EXTL3: variants seen among roughly 807,000 people sequenced by gnomAD.
The protein encoded by EXTL3 is exostosin-like 3.
Under a neutral mutation model 69.3 loss-of-function variants are expected in EXTL3, and 27 were observed. That is an observed-to-expected ratio of 0.39 (90% confidence interval 0.29 to 0.54). EXTL3 has a LOEUF of 0.54. Ranked by LOEUF, EXTL3 falls within the 20% of genes least tolerant of loss-of-function variation. EXTL3 has a pLI of 0.69. For missense variants in EXTL3, 1,003 were observed against 1,231.8 expected, an observed-to-expected ratio of 0.81 and a Z score of 2.78; for synonymous variants, 511 against 499.4, an observed-to-expected ratio of 1.02 and a Z score of -0.31.
Position 28,750,561 on chromosome 8 carries a change from T to G in EXTL3, c.2551-96T>G. On this transcript the variant is annotated intron_variant, in intron 6 of 6. Coordinates refer to ENST00000220562, the MANE Select transcript of EXTL3 (RefSeq NM_001440.4). This position sits in a 1 kb window ranked among gnomAD's most constrained non-coding sequence, Gnocchi z 5.2. ...TGTTGCCCCTGAGGGGATCAGCGTCTTCACCATGGACATGGGAGTGTGGGA... is the reference window on the plus strand; with the variant it reads ...TGTTGCCCCTGAGGGGATCAGCGTCGTCACCATGGACATGGGAGTGTGGGA... 2 of 1,047,268 alleles carry G rather than the reference T, an allele frequency of 1.9e-6. No individual in the cohort carries two copies. The highest frequency in any genetic ancestry group is 2.9e-6 in the Non-Finnish European group (2 of 678,466). 64.9% of individuals were successfully genotyped at this position (1,047,268 alleles called of 1,614,324 possible).
chr8:28,663,596 T>C (rs1186340059), intron 1 of EXTL3, among the ~76,000 whole-genome samples: 1 of 152,030 alleles, frequency 6.6e-6, no homozygotes, highest in African/African-American at 2.4e-5. Context: ...GAATTACAGG[T>C]GCACACCACC....
At chr8:28,630,688 G>A (rs1035346319) in intron 1 of EXTL3, among the ~76,000 whole-genome samples, 9 of 152,238 alleles carry the variant, frequency 5.9e-5, no homozygotes, top group East Asian at 3.8e-4. Flanking sequence ...TGAGTGCCAC[G>A]TTAGTGGCAA....
chr8:28,673,899 C>T (rs1807339071), intron 1 of EXTL3, among the ~76,000 whole-genome samples: 1 of 152,136 alleles, frequency 6.6e-6, no homozygotes, highest in African/African-American at 2.4e-5. Flanking sequence ...CTAGAATTGG[C>T]TCTCTAATCT....
chr8:28,651,896 T>C (rs1806926494), intron 1 of EXTL3, among the ~76,000 whole-genome samples: 1 of 152,228 alleles, frequency 6.6e-6, no homozygotes, highest in Non-Finnish European at 1.5e-5. Context: ...AATTTGCGTC[T>C]CTTCCTATAT....
In EXTL3 at chr8:28,717,275, C is replaced by A; in HGVS notation, c.1216C>A (p.Pro406Thr). 1 of 1,614,234 alleles carries A rather than the reference C, an allele frequency of 6.2e-7. No individual in the cohort carries two copies. The highest frequency in any genetic ancestry group is 8.5e-7 in the Non-Finnish European group (1 of 1,180,038). ...VEFTCKNQPK[P>T]SLPTEWALCG... The stretch of plus-strand genomic sequence containing the variant: ...ATTCACCTGCAAAAACCAGCCCAAA[C>A]CCAGCCTGCCGACTGAGTGGGCACT... The change falls in exon 3 of 7, where the codon CCC becomes ACC. Residue 406 changes from proline to threonine, a missense_variant. Physicochemically the swap from Pro to Thr is conservative, Grantham distance 38 (BLOSUM62 -1). Transcript: ENST00000220562. The surrounding 1 kb of genome is among the most constrained non-coding windows in gnomAD (Gnocchi z 8.3).
At chr8:28,667,012 G>T (rs1007995080) in intron 1 of EXTL3, among the ~76,000 whole-genome samples, 14 of 152,214 alleles carry the variant, frequency 9.2e-5, no homozygotes, top group South Asian at 8.3e-4. Flanking sequence ...ACTTGAAGGT[G>T]TGGGAGCTTC....
rs574589409 is a variant in EXTL3, at chr8:28,652,184, ACTT to A, written c.-53+29380_-53+29382del. ...GCAAGTATTTGCCTGAGTCCTTTTT[ACTT>A]CTTCTGGGTGTTTTCATAGGAGTGA... On this transcript the variant is annotated intron_variant, in intron 1 of 6. Transcript: ENST00000523149. Among the ~76,000 whole-genome samples the A allele has an allele frequency of 2.3e-3, 349 of 151,420 alleles. 2 individuals carry two copies. The highest frequency in any genetic ancestry group is 8.1e-3 in the African/African-American group (332 of 40,974).
intron 3 of EXTL3, among the ~76,000 whole-genome samples, chr8:28,718,554 C>G (rs1375091399): frequency 2.0e-5 from 3 of 152,210 alleles, no homozygotes; most frequent in Non-Finnish European, 4.4e-5. Context: ...CACTTAGCCT[C>G]TAGGCACTAT....
At chr8:28,652,563 A>G (rs1363903009) in intron 1 of EXTL3, among the ~76,000 whole-genome samples, 1 of 152,026 alleles carries the variant, frequency 6.6e-6, no homozygotes, top group East Asian at 1.9e-4. Context: ...CTGAGGTGGG[A>G]GGATCACTTG....
At chr8:28,670,038 G>A (rs1055080826) in intron 1 of EXTL3, among the ~76,000 whole-genome samples, 1 of 151,834 alleles carries the variant, frequency 6.6e-6, no homozygotes, top group South Asian at 2.1e-4. Flanking sequence ...GCAAAACCCC[G>A]TCTCGACCAA....
chr8:28,610,648 C>T (rs746772192), intron 2 of EXTL3, among the ~76,000 whole-genome samples: 6 of 152,048 alleles, frequency 3.9e-5, no homozygotes, highest in Non-Finnish European at 8.8e-5. Context: ...CATACCTATG[C>T]GATGATTCTT....
intron 1 of EXTL3, among the ~76,000 whole-genome samples, chr8:28,668,363 ACT>A (rs1171892654): frequency 9.0e-6 from 1 of 110,580 alleles, no homozygotes; most frequent in African/African-American, 3.8e-5. Context: ...ACAGAGTCTC[ACT>A]CTGTCACCCA....
chr8:28,704,648 GCTT>G (rs995801075), intron 1 of EXTL3, among the ~76,000 whole-genome samples: 1 of 151,734 alleles, frequency 6.6e-6, no homozygotes, highest in Non-Finnish European at 1.5e-5. Flanking sequence ...TTCCAGCATG[GCTT>G]CTTTTCTTTT....
chr8:28,618,500 C>T (rs1806357042), upstream of EXTL3, among the ~76,000 whole-genome samples: 1 of 152,050 alleles, frequency 6.6e-6, no homozygotes, highest in African/African-American at 2.4e-5. Context: ...CCAGGGCTGG[C>T]AGTGAATGAA....
intron 1 of EXTL3, among the ~76,000 whole-genome samples, chr8:28,684,572 T>A (rs534589722): frequency 3.3e-5 from 5 of 152,060 alleles, no homozygotes; most frequent in Non-Finnish European, 5.9e-5. Flanking sequence ...GCAAGACCTG[T>A]TTCTATAGAA....
chr8:28,620,116 G>T (rs1037986376), upstream of EXTL3, among the ~76,000 whole-genome samples: 9 of 151,658 alleles, frequency 5.9e-5, no homozygotes, highest in African/African-American at 2.2e-4. Flanking sequence ...CTAGTGATCT[G>T]CCCGCCTCGG....
chr8:28,640,865 G>C (rs1448939485), intron 1 of EXTL3, among the ~76,000 whole-genome samples: 1 of 152,210 alleles, frequency 6.6e-6, no homozygotes, highest in Non-Finnish European at 1.5e-5. Context: ...GTCTCCCAAA[G>C]TGCTGGGATT....
At chr8:28,640,515 A>C (rs1407507797) in intron 1 of EXTL3, among the ~76,000 whole-genome samples, 1 of 152,206 alleles carries the variant, frequency 6.6e-6, no homozygotes, top group African/African-American at 2.4e-5. Context: ...GCATAATTAG[A>C]TCCATAAACT....
chr8:28,666,667 C>T (rs199984147), intron 1 of EXTL3, among the ~76,000 whole-genome samples: 3 of 152,336 alleles, frequency 2.0e-5, no homozygotes, highest in South Asian at 4.1e-4. Context: ...CCCCCGCCTC[C>T]TGGGTTCAAG....
Sources: allele counts gnomAD v4.1 joint callset (sites outside exome capture counted in the v4.1 genomes callset), GRCh38; gene constraint gnomAD v4.1.1; non-coding constraint Gnocchi (gnomAD v3.1); transcripts MANE v1.5; gene names NCBI Gene and HGNC (gene_info 2026-07-23, HGNC 2026-07-21).